The following PDPN variants were observed in gnomAD, a reference collection of about 807,000 sequenced individuals.
PDPN encodes the protein podoplanin, also known as PA2.26 antigen.
In PDPN, 12 loss-of-function variants were observed where a neutral mutation model predicts 23.2. The ratio of observed to expected loss-of-function variants is 0.52; its 90% CI spans 0.33 to 0.84. The LOEUF (loss-of-function observed/expected upper bound fraction) is 0.84. PDPN is among the 40% of genes least tolerant of loss of function. The pLI is 0.02. For synonymous variants in PDPN, 77 were observed against 76.7 expected (o/e 1.00, Z -0.02); for missense variants, 199 against 212.2 (o/e 0.94, Z 0.39).
At chr1:13,603,089 CAGAG>C (rs1193585631) in intron 1 of PDPN, among the ~76,000 whole-genome samples, 1 of 151,092 alleles carries the variant, frequency 6.6e-6, no homozygotes, top group Non-Finnish European at 1.5e-5. Flanking sequence ...GAGAAAAAAA[CAGAG>C]AGAGATAGAA....
rs184430782 is a variant in PDPN at position 13,610,207 on chromosome 1, C to T, written c.202-180C>T. On this transcript the variant is annotated intron_variant, in intron 2 of 5. Coordinates refer to ENST00000621990, the MANE Select transcript of PDPN (RefSeq NM_006474.5). ...CTGTTGTGAATAATGCTGCTATGAA[C>T]ATGTGTGTACAACCGTCTCTTCAAG... 2.6e-3 allele frequency among the ~76,000 whole-genome samples: 398 copies of T among 152,338 alleles called. 3 individuals carry two copies. Among genetic ancestry groups the T allele is most frequent in the Middle Eastern group, 0.014 (4 of 294 alleles).
intron 1 of PDPN, among the ~76,000 whole-genome samples, chr1:13,605,208 T>A (rs558492723): frequency 1.1e-5 from 1 of 86,998 alleles, no homozygotes; most frequent in Non-Finnish European, 2.9e-5. Context: ...ATTGCTGATA[T>A]AAGTGCTGTC....
chr1:13,616,213 A>C lies in PDPN; in HGVS notation c.*302A>C. ...CTGTATAAACTGATTTGTAACTAACACTGGACCATTGGATCGATATTATAT... is the reference window on the plus strand; with the variant it reads ...CTGTATAAACTGATTTGTAACTAACCCTGGACCATTGGATCGATATTATAT... On this transcript the variant is annotated 3_prime_UTR_variant, in exon 6 of 6. Transcript: ENST00000621990. The C allele has an allele frequency of 2.2e-6, 1 of 463,982 alleles. No homozygotes were observed. The highest frequency in any genetic ancestry group is 3.9e-6 in the Non-Finnish European group (1 of 258,662). 28.7% of individuals were successfully genotyped at this position (463,982 alleles called of 1,614,324 possible). A position where few individuals can be genotyped will look rare whatever the true frequency, so the allele number is the denominator to read the frequency against.
At chr1:13,599,603 C>A (rs1264126198) in intron 1 of PDPN, among the ~76,000 whole-genome samples, 1 of 151,924 alleles carries the variant, frequency 6.6e-6, no homozygotes, top group African/African-American at 2.4e-5. Context: ...AGGCTGGGTT[C>A]AAACTCCCGA....
rs754790318 is a variant in PDPN, at chr1:13,585,639, G to A, written c.67+1539G>A. The A allele has an allele frequency of 6.7e-6, 9 of 1,351,754 alleles. No individual in the cohort carries two copies. In the South Asian group the frequency reaches 9.1e-5, roughly 14 times the overall value. 83.7% of individuals were successfully genotyped at this position (1,351,754 alleles called of 1,614,324 possible). A position where few individuals can be genotyped will look rare whatever the true frequency, so the allele number is the denominator to read the frequency against. ...CTTCAGCCGGCTCCTGAATGTCAAA[G>A]GTACTCCTAAAAGATGGCGTTAAAA... On this transcript the variant is annotated intron_variant, in intron 1 of 5. Transcript: ENST00000621990.
chr1:13,588,705 G>T (rs572758879), intron 1 of PDPN, among the ~76,000 whole-genome samples: 6 of 133,176 alleles, frequency 4.5e-5, no homozygotes, highest in South Asian at 4.9e-4. Context: ...TTGAGACAGG[G>T]TCTCACTCTG....
chr1:13,593,302 G>A (rs1005892804), intron 1 of PDPN, among the ~76,000 whole-genome samples: 5 of 152,116 alleles, frequency 3.3e-5, no homozygotes, highest in African/African-American at 1.2e-4. Flanking sequence ...GATATGATGA[G>A]TTTGAGGTAA....
intron 1 of PDPN, among the ~76,000 whole-genome samples, chr1:13,589,142 G>A (rs1640266847): frequency 6.6e-6 from 1 of 152,196 alleles, no homozygotes; most frequent in Non-Finnish European, 1.5e-5. Context: ...AGGTGGTTCT[G>A]TGATGAATCA....
intron 2 of PDPN, among the ~76,000 whole-genome samples, chr1:13,607,606 G>A (rs1640824304): frequency 1.3e-5 from 2 of 152,164 alleles, no homozygotes; most frequent in African/African-American, 2.4e-5. Flanking sequence ...TATCAACAAC[G>A]TTAAGTGAGG....
chr1:13,607,397 A>G lies in PDPN; in HGVS notation c.201+91A>G, dbSNP rs138026758. On this transcript the variant is annotated intron_variant, in intron 2 of 5. Transcript: ENST00000621990. ...ATATTAATTTACTTTATATAAAAATATATCTATCTATAAAATCAGCATGAG... is the reference window on the plus strand; with the variant it reads ...ATATTAATTTACTTTATATAAAAATGTATCTATCTATAAAATCAGCATGAG... 56 of 905,132 alleles carry G rather than the reference A, an allele frequency of 6.2e-5. 1 individual carries two copies. The South Asian group carries it at 9.0e-4, about 15-fold the overall frequency. The allele number at this position is 905,132 out of a possible 1,614,324, so 56.1% of individuals were successfully genotyped here. A position where few individuals can be genotyped will look rare whatever the true frequency, so the allele number is the denominator to read the frequency against.
chr1:13,587,990 G>A (rs1426552868), intron 1 of PDPN, among the ~76,000 whole-genome samples: 1 of 152,156 alleles, frequency 6.6e-6, no homozygotes, highest in Non-Finnish European at 1.5e-5. Context: ...ATTGCTCAGA[G>A]ATGGATTTGT....
In PDPN at chr1:13,583,860, A is replaced by T. The variant is rs1226554389; in HGVS notation, c.-174A>T. On this transcript the variant is annotated 5_prime_UTR_variant, in exon 1 of 6. Coordinates refer to ENST00000621990, the MANE Select transcript of PDPN (RefSeq NM_006474.5). ...TGCAAAGTTTGCTGTCCGGCTGCCT[A>T]GGGTCTGGGAAGCTCGGGCACCCTC... The T allele has an allele frequency of 2.5e-6, 4 of 1,596,426 alleles. No individual in the cohort carries two copies. Among genetic ancestry groups the T allele is most frequent in the Admixed American group, 1.8e-5 (1 of 56,750 alleles).
At chr1:13,593,241 G>A (rs1159508146) in intron 1 of PDPN, among the ~76,000 whole-genome samples, 1 of 152,140 alleles carries the variant, frequency 6.6e-6, no homozygotes, top group Admixed American at 6.5e-5. Flanking sequence ...GGAGGGATGA[G>A]AGATTAGGAA....
chr1:13,614,540 C>T, intron 5 of PDPN, 129 bp downstream of exon 5: 2 of 648,142 alleles, frequency 3.1e-6, no homozygotes, highest in Non-Finnish European at 2.8e-6. Context: ...GTCTCAGCTG[C>T]TGGGCACCTG....
rs959465819 is a variant in PDPN, at chr1:13,615,973, GCCCTGT to G, written c.*68_*73del. 57 of 1,529,088 alleles carry G rather than the reference GCCCTGT, an allele frequency of 3.7e-5. No individual in the cohort carries two copies. Among genetic ancestry groups the G allele is most frequent in the Non-Finnish European group, 4.8e-5 (53 of 1,102,716 alleles). 94.7% of individuals were successfully genotyped at this position (1,529,088 alleles called of 1,614,324 possible). On this transcript the variant is annotated 3_prime_UTR_variant, in exon 6 of 6. Coordinates refer to ENST00000621990, the MANE Select transcript of PDPN (RefSeq NM_006474.5). ...AAAAAAAGACCGTTTCTGACTCTGT[GCCCTGT>G]CCCTGAGCTCGTGGGAGAAGATGAC... is the stretch of plus-strand genomic sequence containing the variant.
intron 1 of PDPN, among the ~76,000 whole-genome samples, chr1:13,605,726 G>T (rs1011877154): frequency 6.6e-6 from 1 of 152,006 alleles, no homozygotes; most frequent in African/African-American, 2.4e-5. Flanking sequence ...ATGTTCAAGC[G>T]ATTCTCCTGC....
chr1:13,595,582 C>G (rs1313094320), intron 1 of PDPN, among the ~76,000 whole-genome samples: 1 of 152,212 alleles, frequency 6.6e-6, no homozygotes, highest in Non-Finnish European at 1.5e-5. Context: ...GAACTAGTGA[C>G]ACGTGTCTGA....
At chr1:13,612,720 C>T (rs561578303) in intron 3 of PDPN, among the ~76,000 whole-genome samples, 1 of 152,198 alleles carries the variant, frequency 6.6e-6, no homozygotes, top group South Asian at 2.1e-4. Flanking sequence ...TGAGGAGAAC[C>T]TTGGCACAAA....
Position 13,616,857 on chromosome 1 carries a change from C to G in PDPN, c.*946C>G, listed in dbSNP as rs1226700880. 3 of 152,178 alleles carry G rather than the reference C, an allele frequency of 2.0e-5. No homozygotes were observed. Among genetic ancestry groups the G allele is most frequent in the Admixed American group, 2.0e-4 (3 of 15,260 alleles). The allele number at this position is 152,178 out of a possible 1,614,324, so 9.4% of individuals were successfully genotyped here. A position where few individuals can be genotyped will look rare whatever the true frequency, so the allele number is the denominator to read the frequency against. On this transcript the variant is annotated 3_prime_UTR_variant, in exon 6 of 6. Transcript: ENST00000621990. ...GTTTGAAACCAAGAGCCAGTTGTCC[C>G]CCATGCAGAAAGAAATCCTGTGTGA...
Sources: allele counts gnomAD v4.1 joint callset (sites outside exome capture counted in the v4.1 genomes callset), GRCh38; gene constraint gnomAD v4.1.1; transcripts MANE v1.5; gene names NCBI Gene and HGNC (gene_info 2026-07-23, HGNC 2026-07-21).